NAB1: variants seen among roughly 807,000 people sequenced by gnomAD.
The protein encoded by NAB1 is NGFI-A binding protein 1.
A neutral mutation model predicts 49.9 loss-of-function variants in NAB1; 25 were observed. The ratio of observed to expected loss-of-function variants is 0.50; its 90% confidence interval spans 0.37 to 0.70. The LOEUF (loss-of-function observed/expected upper bound fraction) is 0.70, where lower values mean the gene tolerates loss of function less well. NAB1 is among the 30% of genes least tolerant of loss of function. NAB1 has a pLI of 0.00. For synonymous variants in NAB1, 198 were observed against 215.6 expected (o/e 0.92, Z 0.71); for missense variants, 489 against 575.9 (o/e 0.85, Z 1.54).
At chr2:190,683,415 G>T (rs1487969635) in intron 6 of NAB1, among the ~76,000 whole-genome samples, 1 of 149,902 alleles carries the variant, frequency 6.7e-6, no homozygotes, top group African/African-American at 2.5e-5. Flanking sequence ...CAAAGTGCTG[G>T]GATTACAGGC....
At position 190,673,928 on chromosome 2, in the gene NAB1, C is replaced by T. The variant is rs184579055; in HGVS notation, c.1005+776C>T. ...AGAGTGGAAATCTGGTCAGGTGGCT[C>T]CTTCCTTTCTTTTTGTTTTAGGCAG... is the stretch of plus-strand genomic sequence containing the variant. On this transcript the variant is annotated intron_variant, in intron 6 of 9. Coordinates refer to ENST00000337386, the MANE Select transcript of NAB1 (RefSeq NM_005966.4). 5.3e-5 allele frequency among the ~76,000 whole-genome samples: 8 copies of T among 150,946 alleles called. No individual in the cohort carries two copies. In the East Asian group the frequency reaches 1.2e-3, roughly 22 times the overall value.
chr2:190,683,297 ATTTTTT>A (rs767640681), intron 6 of NAB1, among the ~76,000 whole-genome samples: 1 of 76,136 alleles, frequency 1.3e-5, no homozygotes. Context: ...CTCCCAGCTA[ATTTTTT>A]TTTTTTTTTT....
chr2:190,683,731 C>T lies in NAB1; in HGVS notation c.1006-7C>T. The T allele has an allele frequency of 6.2e-7, 1 of 1,603,704 alleles. No homozygotes were observed. Among genetic ancestry groups the T allele is most frequent in the Non-Finnish European group, 8.5e-7 (1 of 1,174,890 alleles). On this transcript the variant is annotated splice_region_variant and splice_polypyrimidine_tract_variant and intron_variant, in intron 6 of 9. Coordinates refer to ENST00000337386, the MANE Select transcript of NAB1 (RefSeq NM_005966.4). ...TAAATATAAAGGACTTCTTATTTGA[C>T]CCACAGGATGGGTTTCCAGATTTCC...
chr2:190,672,236 A>G (rs1009289389), intron 5 of NAB1, among the ~76,000 whole-genome samples: 7 of 152,138 alleles, frequency 4.6e-5, no homozygotes, highest in Non-Finnish European at 8.8e-5. Context: ...ATTGATGGCT[A>G]CTGGGGTTGT....
chr2:190,663,406 T>C lies in NAB1; in HGVS notation c.819+3411T>C, dbSNP rs1186378520. Among the ~76,000 whole-genome samples, 2 of 152,250 alleles carry C rather than the reference T, an allele frequency of 1.3e-5. No individual in the cohort carries two copies. Among genetic ancestry groups the C allele is most frequent in the African/African-American group, 2.4e-5 (1 of 41,468 alleles). Reference sequence around the variant, plus strand: ...TGCAAACTAGGGTCTGTGTGCCCAGTCTCACTCACCTCCTGTTTTTATAAA... The same window carrying C: ...TGCAAACTAGGGTCTGTGTGCCCAGCCTCACTCACCTCCTGTTTTTATAAA... On this transcript the variant is annotated intron_variant, in intron 4 of 9. Transcript: ENST00000337386. This position sits in a 1 kb window ranked among gnomAD's most constrained non-coding sequence, Gnocchi z 4.2.
rs750441650 is a variant in NAB1, at chr2:190,682,526, T to G, written c.1006-1212T>G. Among the ~76,000 whole-genome samples, 3 of 152,192 alleles carry G rather than the reference T, an allele frequency of 2.0e-5. No individual in the cohort carries two copies. Among genetic ancestry groups the G allele is most frequent in the Non-Finnish European group, 4.4e-5 (3 of 68,036 alleles). ...GGTTAGCACTTTAAAGAACATTTAG[T>G]TTGGATCGTTAGCCACATTTCATGT... On this transcript the variant is annotated intron_variant, in intron 6 of 9. Coordinates refer to ENST00000337386, the MANE Select transcript of NAB1 (RefSeq NM_005966.4). This position sits in a 1 kb window ranked among gnomAD's most constrained non-coding sequence, Gnocchi z 4.1.
intron 9 of NAB1, among the ~76,000 whole-genome samples, chr2:190,688,461 A>C (rs556961536): frequency 3.3e-5 from 5 of 152,204 alleles, no homozygotes; most frequent in African/African-American, 1.2e-4. Context: ...AATAATGTCA[A>C]AGGGAGGTTG....
rs1199979493 is a variant in NAB1 at position 190,692,260 on chromosome 2, A to T, written c.*1927A>T. On this transcript the variant is annotated 3_prime_UTR_variant, in exon 10 of 10. Coordinates refer to ENST00000337386, the MANE Select transcript of NAB1 (RefSeq NM_005966.4). This position sits in a 1 kb window ranked among gnomAD's most constrained non-coding sequence, Gnocchi z 5.2. ...TTTTTTTAATTGTGTCTTACAGTCAAGTTTGTAGATTTTCATAAGCCACAA... is the reference window on the plus strand; with the variant it reads ...TTTTTTTAATTGTGTCTTACAGTCATGTTTGTAGATTTTCATAAGCCACAA... 9.2e-5 allele frequency: 14 copies of T among 152,566 alleles called. No individual in the cohort carries two copies. The highest frequency in any genetic ancestry group is 9.2e-4 in the Admixed American group (14 of 15,268). The allele number at this position is 152,566 out of a possible 1,614,324, so 9.5% of individuals were successfully genotyped here.
In NAB1 at chr2:190,691,757, A is replaced by G. The variant is rs1010860276; in HGVS notation, c.*1424A>G. ...AGAGTGTATTGACTCTGAGTGTAAG[A>G]GAGTATGTGTTTTTTTGTTTTTAGT... is the stretch of plus-strand genomic sequence containing the variant. On this transcript the variant is annotated 3_prime_UTR_variant, in exon 10 of 10. Coordinates refer to ENST00000337386, the MANE Select transcript of NAB1 (RefSeq NM_005966.4). The surrounding 1 kb of genome is among the most constrained non-coding windows in gnomAD (Gnocchi z 4.1). 2 of 152,146 alleles carry G rather than the reference A, an allele frequency of 1.3e-5. No individual in the cohort carries two copies. Among genetic ancestry groups the G allele is most frequent in the African/African-American group, 2.4e-5 (1 of 41,448 alleles). The allele number at this position is 152,146 out of a possible 1,614,324, so 9.4% of individuals were successfully genotyped here. A position where few individuals can be genotyped will look rare whatever the true frequency, so the allele number is the denominator to read the frequency against.
Position 190,651,270 on chromosome 2 carries a change from A to G in NAB1, c.-197+1288A>G, listed in dbSNP as rs1693653333. Among the ~76,000 whole-genome samples, 1 of 140,466 alleles carries G rather than the reference A, an allele frequency of 7.1e-6. No individual in the cohort carries two copies. Among genetic ancestry groups the G allele is most frequent in the Admixed American group, 6.9e-5 (1 of 14,564 alleles). The allele number at this position is 140,466 out of a possible 152,430, so 92.2% of individuals were successfully genotyped here. On this transcript the variant is annotated intron_variant, in intron 2 of 9. Transcript: ENST00000337386. This position sits in a 1 kb window ranked among gnomAD's most constrained non-coding sequence, Gnocchi z 4.3. ...ATCTCATCTTATTTCAAAATTATTC[A>G]GTTGAGTAATCTCTTTTTTGTAAGT...
chr2:190,653,606 A>G (rs908207317), intron 2 of NAB1: 3 of 152,234 alleles, frequency 2.0e-5, no homozygotes, highest in Non-Finnish European at 4.4e-5. Flanking sequence ...TGTATCTAAT[A>G]ATGATTCCCA....
intron 4 of NAB1, among the ~76,000 whole-genome samples, chr2:190,662,688 C>G (rs1260642769): frequency 6.6e-6 from 1 of 152,132 alleles, no homozygotes; most frequent in East Asian, 1.9e-4. Context: ...AACTTGGGAA[C>G]AGCAAGGCAA....
intron 6 of NAB1, 92 bp from the exon 7 acceptor site, chr2:190,683,646 T>G: frequency 2.1e-5 from 16 of 773,590 alleles, no homozygotes; most frequent in East Asian, 2.7e-5. Flanking sequence ...ATTCAGGTAG[T>G]GAGATTAAGA....
intron 4 of NAB1, among the ~76,000 whole-genome samples, chr2:190,664,922 A>T (rs1694435591): frequency 6.6e-6 from 1 of 151,648 alleles, no homozygotes; most frequent in South Asian, 2.1e-4. Context: ...TTTTTCCATT[A>T]TTTTATTTGT....
chr2:190,650,386 G>C (rs568748621), intron 2 of NAB1, among the ~76,000 whole-genome samples: 83 of 152,326 alleles, frequency 5.4e-4, no homozygotes, highest in African/African-American at 1.8e-3. Flanking sequence ...GGAATTCTCA[G>C]ATCTTGTTTA....
At chr2:190,660,754 T>C (rs1330245751) in intron 4 of NAB1, among the ~76,000 whole-genome samples, 1 of 152,178 alleles carries the variant, frequency 6.6e-6, no homozygotes, top group African/African-American at 2.4e-5. Flanking sequence ...ACATATACTT[T>C]TGTCACAATA....
In NAB1 at chr2:190,674,748, C is replaced by T. The variant is rs1354005396; in HGVS notation, c.1005+1596C>T. On this transcript the variant is annotated intron_variant, in intron 6 of 9. Transcript: ENST00000337386. This position sits in a 1 kb window ranked among gnomAD's most constrained non-coding sequence, Gnocchi z 5.7. Reference sequence around the variant, plus strand: ...AAGTATTTTGTCAAAAACAAAAAGCCACATTAAAAAAAGAAATGTGGGCTG... The same window carrying T: ...AAGTATTTTGTCAAAAACAAAAAGCTACATTAAAAAAAGAAATGTGGGCTG... Among the ~76,000 whole-genome samples, 3 of 151,960 alleles carry T rather than the reference C, an allele frequency of 2.0e-5. No individual in the cohort carries two copies. The highest frequency in any genetic ancestry group is 4.4e-5 in the Non-Finnish European group (3 of 68,016).
chr2:190,656,548 C>G (rs929568), intron 3 of NAB1, among the ~76,000 whole-genome samples: 149,208 of 152,336 alleles, frequency 0.98, 73,149 homozygotes, highest in Middle Eastern at 1. Context: ...CTTGGCTTTG[C>G]AAATGTAGAC....
Position 190,685,766 on chromosome 2 carries a change from T to C in NAB1, c.1258+128T>C, listed in dbSNP as rs1371073419. The C allele has an allele frequency of 2.6e-6, 2 of 782,966 alleles. No individual in the cohort carries two copies. The highest frequency in any genetic ancestry group is 3.6e-6 in the Non-Finnish European group (2 of 558,128). The allele number at this position is 782,966 out of a possible 1,614,324, so 48.5% of individuals were successfully genotyped here. On this transcript the variant is annotated intron_variant, in intron 8 of 9. Transcript: ENST00000337386. This position sits in a 1 kb window ranked among gnomAD's most constrained non-coding sequence, Gnocchi z 4.5. ...TATTTTACAGGTTCTCTTATCAAAA[T>C]TATTTTTTGAATTCTTCATTTTTCT... is the stretch of plus-strand genomic sequence containing the variant.
Sources: gnomAD v4.1 joint callset for allele counts (sites outside exome capture counted in the v4.1 genomes callset) on GRCh38, gnomAD v4.1.1 for gene constraint, Gnocchi (gnomAD v3.1) non-coding constraint, MANE v1.5 for transcripts, NCBI Gene and HGNC (gene_info 2026-07-23, HGNC 2026-07-21) for gene names.